PCDHGA5: variants seen among roughly 807,000 people sequenced by gnomAD.
The protein encoded by PCDHGA5 is protocadherin gamma subfamily A, 5.
PCDHGA5 carries 36 observed loss-of-function variants against 56.7 expected under a neutral mutation model. That is an observed-to-expected ratio of 0.64 (90% CI 0.49 to 0.84). The LOEUF is 0.84. Ranked by LOEUF, PCDHGA5 falls within the 40% of genes least tolerant of loss-of-function variation. The pLI is 0.00. For synonymous variants in PCDHGA5, 563 were observed against 520.2 expected, an observed-to-expected ratio of 1.08 and a Z score of -1.12; for missense variants, 1,305 against 1,201.5, an observed-to-expected ratio of 1.09 and a Z score of -1.27.
chr5:141,467,811 A>T (rs562932160), intron 1 of PCDHGA5, among the ~76,000 whole-genome samples: 1 of 152,164 alleles, frequency 6.6e-6, no homozygotes, highest in African/African-American at 2.4e-5. Flanking sequence ...GGCACATGCC[A>T]CCACACCAGG....
At chr5:141,381,416 C>G (rs995030864) in intron 1 of PCDHGA5, among the ~76,000 whole-genome samples, 10 of 152,236 alleles carry the variant, frequency 6.6e-5, no homozygotes, top group African/African-American at 2.2e-4. Context: ...AGTGGAGAGA[C>G]GAGTACCTCT....
intron 3 of PCDHGA5, among the ~76,000 whole-genome samples, chr5:141,510,354 G>A (rs1311482557): frequency 2.1e-5 from 3 of 146,300 alleles, no homozygotes; most frequent in Non-Finnish European, 4.5e-5. Flanking sequence ...ACTTACTAAC[G>A]GAACTACCGA....
At position 141,403,235 on chromosome 5, in the gene PCDHGA5, C is replaced by T. The variant is rs757212212; in HGVS notation, c.2421+36484C>T. The T allele has an allele frequency of 2.9e-5, 47 of 1,613,842 alleles. No individual in the cohort carries two copies. In the Admixed American group the frequency reaches 7.7e-4, roughly 26 times the overall value. ...CGCGGGTAGGATAGACCGGGAGGAGCTCTGTGCTCAGAGCCCGCGGTGTCT... is the reference window on the plus strand; with the variant it reads ...CGCGGGTAGGATAGACCGGGAGGAGTTCTGTGCTCAGAGCCCGCGGTGTCT... On this transcript the variant is annotated intron_variant, in intron 1 of 3. Transcript: ENST00000518069.
rs2099670287 is a variant in PCDHGA5, at chr5:141,487,983, TC to T, written c.2422-6822del. Among the ~76,000 whole-genome samples, 3 of 152,290 alleles carry T rather than the reference TC, an allele frequency of 2.0e-5. No individual in the cohort carries two copies. The South Asian group carries it at 6.2e-4, about 32-fold the overall frequency. ...CAAAGGTGGCTGTTTTCTCTACTCT[TC>T]CTGAAAGAGGGGATCAGATTCTGAA... On this transcript the variant is annotated intron_variant, in intron 1 of 3. Coordinates refer to ENST00000518069, the MANE Select transcript of PCDHGA5 (RefSeq NM_018918.3). This position sits in a 1 kb window ranked among gnomAD's most constrained non-coding sequence, Gnocchi z 5.0.
At chr5:141,414,472 A>C (rs1039987036) in intron 1 of PCDHGA5, 5 of 1,613,796 alleles carry the variant, frequency 3.1e-6, no homozygotes, top group African/African-American at 1.3e-5. Flanking sequence ...AGATGGGGGA[A>C]GTCCTCCTCT....
chr5:141,444,475 A>C (rs572738630), intron 1 of PCDHGA5, among the ~76,000 whole-genome samples: 2 of 152,110 alleles, frequency 1.3e-5, no homozygotes, highest in East Asian at 3.9e-4. Context: ...CCGGTCGCGT[A>C]CTGGATTTAT....
intron 1 of PCDHGA5, among the ~76,000 whole-genome samples, chr5:141,425,133 A>T (rs1311425564): frequency 6.6e-6 from 1 of 152,200 alleles, no homozygotes; most frequent in Non-Finnish European, 1.5e-5. Flanking sequence ...GTCAAGAAAA[A>T]TGTTCAGGTA....
chr5:141,399,975 G>A (rs2093929990), intron 1 of PCDHGA5: 2 of 1,612,126 alleles, frequency 1.2e-6, no homozygotes, highest in East Asian at 2.2e-5. Flanking sequence ...TCAGCCTGGG[G>A]CTGCGCACAG....
chr5:141,463,500 G>A (rs866521006), intron 1 of PCDHGA5, among the ~76,000 whole-genome samples: 30 of 139,838 alleles, frequency 2.1e-4, no homozygotes, highest in African/African-American at 7.0e-4. Context: ...CCAGGCTGGA[G>A]TGACGTGGCG....
chr5:141,451,745 G>T (rs562443882), intron 1 of PCDHGA5, among the ~76,000 whole-genome samples: 36 of 152,242 alleles, frequency 2.4e-4, no homozygotes, highest in Middle Eastern at 3.4e-3. Context: ...AGCTGGTCTG[G>T]TGGTGCATGC....
chr5:141,374,104 T>A (rs200348921), intron 1 of PCDHGA5: 3 of 1,570,610 alleles, frequency 1.9e-6, no homozygotes, highest in Non-Finnish European at 8.6e-7. Context: ...CGCAGAGGCA[T>A]CCGCAGCGCA....
In PCDHGA5 at chr5:141,476,622, T is replaced by C. The variant is rs1480639256; in HGVS notation, c.2422-18185T>C. The C allele has an allele frequency of 6.2e-7, 1 of 1,614,238 alleles. No individual in the cohort carries two copies. The highest frequency in any genetic ancestry group is 2.2e-5 in the East Asian group (1 of 44,878). On this transcript the variant is annotated intron_variant, in intron 1 of 3. Transcript: ENST00000518069. This position sits in a 1 kb window ranked among gnomAD's most constrained non-coding sequence, Gnocchi z 7.6. ...GATCCCGATGTGGGAAGCAACTCTT[T>C]ACAAACCTATGAGCTGAGCCGAAAT...
intron 1 of PCDHGA5, among the ~76,000 whole-genome samples, chr5:141,386,366 C>A (rs2090545743): frequency 6.6e-6 from 1 of 151,962 alleles, no homozygotes; most frequent in Non-Finnish European, 1.5e-5. Context: ...ATTCCAGAGA[C>A]CTTTGAGTAT....
rs534816363 is a variant in PCDHGA5, at chr5:141,456,234, G to T, written c.2422-38573G>T. Among the ~76,000 whole-genome samples the T allele has an allele frequency of 2.2e-4, 33 of 152,224 alleles. 1 individual carries two copies. The South Asian group carries it at 6.9e-3, about 32-fold the overall frequency. On this transcript the variant is annotated intron_variant, in intron 1 of 3. Transcript: ENST00000518069. ...CTGTGGCGATATCAAACTAACTGCT[G>T]TTAGGAGGCTTTGGGCGACCATTGC...
At chr5:141,422,122 A>C in intron 1 of PCDHGA5, 1 of 1,601,714 alleles carries the variant, frequency 6.2e-7, no homozygotes, top group Non-Finnish European at 8.5e-7. Context: ...GGATTCACAA[A>C]CTGGAGAAGT....
intron 1 of PCDHGA5, among the ~76,000 whole-genome samples, chr5:141,469,723 C>G (rs2099209474): frequency 6.6e-6 from 1 of 152,210 alleles, no homozygotes; most frequent in Non-Finnish European, 1.5e-5. Context: ...AGGAATTTAT[C>G]ATAAATACAC....
At chr5:141,389,638 T>C in intron 1 of PCDHGA5, 1 of 1,612,986 alleles carries the variant, frequency 6.2e-7, no homozygotes, top group Non-Finnish European at 8.5e-7. Flanking sequence ...CCTGGCTACT[T>C]GGTGACCAAG....
Position 141,477,914 on chromosome 5 carries a change from G to T in PCDHGA5, c.2422-16893G>T. On this transcript the variant is annotated intron_variant, in intron 1 of 3. Coordinates refer to ENST00000518069, the MANE Select transcript of PCDHGA5 (RefSeq NM_018918.3). The surrounding 1 kb of genome is among the most constrained non-coding windows in gnomAD (Gnocchi z 4.9). ...ACGGGTGGTAGGCTGGGACGCGGAT[G>T]CAGGGCACAATGCCTGGCTCTCCTA... 2 of 1,614,204 alleles carry T rather than the reference G, an allele frequency of 1.2e-6. No homozygotes were observed. The highest frequency in any genetic ancestry group is 1.7e-6 in the Non-Finnish European group (2 of 1,180,044).
At chr5:141,447,149 T>C (rs2098528211) in intron 1 of PCDHGA5, among the ~76,000 whole-genome samples, 1 of 152,212 alleles carries the variant, frequency 6.6e-6, no homozygotes, top group African/African-American at 2.4e-5. Flanking sequence ...TTTGTTTTTG[T>C]TTTTGTTTAA....
Sources: gnomAD v4.1 joint callset for allele counts (sites outside exome capture counted in the v4.1 genomes callset) on GRCh38, gnomAD v4.1.1 for gene constraint, Gnocchi (gnomAD v3.1) non-coding constraint, MANE v1.5 for transcripts, NCBI Gene and HGNC (gene_info 2026-07-23, HGNC 2026-07-21) for gene names.